CNTNAP5: variants seen among roughly 807,000 people sequenced by gnomAD.
The protein encoded by CNTNAP5 is contactin-associated protein-like 5.
Under a neutral mutation model 150.2 loss-of-function variants are expected in CNTNAP5, and 72 were observed. The ratio of observed to expected loss-of-function variants is 0.48; its 90% CI spans 0.40 to 0.58. CNTNAP5 has a LOEUF of 0.58. Ranked by LOEUF, CNTNAP5 falls within the 20% of genes least tolerant of loss-of-function variation. The probability of loss-of-function intolerance (pLI) is 0.00; values close to 1 mark genes in which losing one functional copy is unlikely to be tolerated. For synonymous variants in CNTNAP5, 672 were observed against 619.8 expected, an observed-to-expected ratio of 1.08 and a Z score of -1.25; for missense variants, 1,636 against 1,626.2, an observed-to-expected ratio of 1.01 and a Z score of -0.10.
At chr2:124,377,792 G>A (rs1338933907) in intron 3 of CNTNAP5, among the ~76,000 whole-genome samples, 1 of 151,492 alleles carries the variant, frequency 6.6e-6, no homozygotes, top group Non-Finnish European at 1.5e-5. Context: ...ACCAGAGAAT[G>A]TCGTACCTAA....
At chr2:124,129,233 A>G (rs564625153) in intron 1 of CNTNAP5, among the ~76,000 whole-genome samples, 1 of 152,276 alleles carries the variant, frequency 6.6e-6, no homozygotes, top group African/African-American at 2.4e-5. Context: ...TAAAGTTATA[A>G]GCATATTACT....
intron 13 of CNTNAP5, among the ~76,000 whole-genome samples, chr2:124,728,726 G>C (rs993576622): frequency 6.6e-6 from 1 of 151,894 alleles, no homozygotes; most frequent in African/African-American, 2.4e-5. Context: ...AATGAGGCAT[G>C]GAAAAATTGG....
intron 2 of CNTNAP5, among the ~76,000 whole-genome samples, chr2:124,239,490 T>C (rs903168575): frequency 2.6e-5 from 4 of 152,172 alleles, no homozygotes; most frequent in African/African-American, 9.7e-5. Context: ...CAAATTGCTG[T>C]ACATATTCTT....
chr2:124,092,742 C>A (rs1260175108), intron 1 of CNTNAP5, among the ~76,000 whole-genome samples: 1 of 152,194 alleles, frequency 6.6e-6, no homozygotes, highest in Non-Finnish European at 1.5e-5. Context: ...AAGTTGGTCT[C>A]CTCACCTCTG....
intron 1 of CNTNAP5, among the ~76,000 whole-genome samples, chr2:124,101,845 C>G (rs538405560): frequency 3.3e-4 from 51 of 152,298 alleles, no homozygotes; most frequent in African/African-American, 1.0e-3. Context: ...TCACTTATTT[C>G]AGGCATTTCT....
intron 1 of CNTNAP5, among the ~76,000 whole-genome samples, chr2:124,162,392 G>A (rs1368931746): frequency 6.6e-6 from 1 of 152,076 alleles, no homozygotes; most frequent in East Asian, 1.9e-4. Flanking sequence ...AGTAAATCAA[G>A]ACAAAAAGAG....
intron 3 of CNTNAP5, among the ~76,000 whole-genome samples, chr2:124,337,129 T>C (rs1367140734): frequency 1.3e-5 from 2 of 152,218 alleles, no homozygotes; most frequent in East Asian, 1.9e-4. Flanking sequence ...TGGCCAGTGA[T>C]GATGAGCATT....
intron 13 of CNTNAP5, among the ~76,000 whole-genome samples, chr2:124,709,492 A>G (rs1364134068): frequency 6.6e-6 from 1 of 152,160 alleles, no homozygotes; most frequent in African/African-American, 2.4e-5. Flanking sequence ...GGGAACCATT[A>G]ATGAGTTATA....
chr2:124,400,677 T>TTG (rs1329158372), intron 3 of CNTNAP5, among the ~76,000 whole-genome samples: 3 of 90,616 alleles, frequency 3.3e-5, no homozygotes, highest in Non-Finnish European at 5.9e-5. Context: ...TTGTTTTTTT[T>TTG]TTTTTTTTTT....
At chr2:124,841,412 T>C (rs566235518) in intron 19 of CNTNAP5, among the ~76,000 whole-genome samples, 9 of 151,702 alleles carry the variant, frequency 5.9e-5, no homozygotes, top group Non-Finnish European at 1.2e-4. Context: ...GCTTTGGACA[T>C]GCTCTTTCAT....
chr2:124,305,535 T>C (rs572032904), intron 3 of CNTNAP5, among the ~76,000 whole-genome samples: 22 of 152,340 alleles, frequency 1.4e-4, no homozygotes, highest in African/African-American at 5.1e-4. Flanking sequence ...ATGTCTGCTA[T>C]GGCTTGATTG....
At chr2:124,425,737 T>C (rs1442646662) in intron 4 of CNTNAP5, among the ~76,000 whole-genome samples, 1 of 152,184 alleles carries the variant, frequency 6.6e-6, no homozygotes, top group Non-Finnish European at 1.5e-5. Flanking sequence ...CTGTACCGCA[T>C]CTTACAGTGG....
chr2:124,810,284 C>T (rs917610277), intron 19 of CNTNAP5, among the ~76,000 whole-genome samples: 9 of 152,100 alleles, frequency 5.9e-5, no homozygotes, highest in African/African-American at 1.7e-4. Context: ...TTGGTGTCTC[C>T]GAGGTCAAAC....
chr2:124,781,302 T>G (rs1573612850), intron 17 of CNTNAP5, among the ~76,000 whole-genome samples: 1 of 152,192 alleles, frequency 6.6e-6, no homozygotes, highest in Non-Finnish European at 1.5e-5. Context: ...GTATGTGGTA[T>G]GTACTCAAGG....
At chr2:124,440,242 T>G (rs1372312170) in intron 5 of CNTNAP5, among the ~76,000 whole-genome samples, 1 of 152,148 alleles carries the variant, frequency 6.6e-6, no homozygotes, top group Non-Finnish European at 1.5e-5. Context: ...TAAAGGTGGG[T>G]GGGAAAGTTG....
chr2:124,819,392 C>T (rs1573638436), intron 19 of CNTNAP5, among the ~76,000 whole-genome samples: 1 of 151,986 alleles, frequency 6.6e-6, no homozygotes, highest in Non-Finnish European at 1.5e-5. Flanking sequence ...AAAATTTTTC[C>T]AGCAAATAAC....
intron 14 of CNTNAP5, among the ~76,000 whole-genome samples, chr2:124,762,632 T>G (rs1186027182): frequency 6.6e-6 from 1 of 152,106 alleles, no homozygotes; most frequent in African/African-American, 2.4e-5. Context: ...ACACTGAAGA[T>G]CTCAGAAATG....
At chr2:124,070,389 G>C (rs1682272195) in intron 1 of CNTNAP5, among the ~76,000 whole-genome samples, 1 of 86,992 alleles carries the variant, frequency 1.1e-5, no homozygotes. Context: ...CAGAGTGGCT[G>C]AATGGGGAAA....
At chr2:124,454,064 A>G (rs1419221619) in intron 6 of CNTNAP5, among the ~76,000 whole-genome samples, 1 of 152,232 alleles carries the variant, frequency 6.6e-6, no homozygotes, top group East Asian at 1.9e-4. Context: ...ACTAACATTG[A>G]ATATAAATGG....
Sources: gnomAD v4.1 joint callset for allele counts (sites outside exome capture counted in the v4.1 genomes callset) on GRCh38, gnomAD v4.1.1 for gene constraint, MANE v1.5 for transcripts, NCBI Gene and HGNC (gene_info 2026-07-23, HGNC 2026-07-21) for gene names.